UBE2H: variants seen among roughly 807,000 people sequenced by gnomAD.
UBE2H encodes the protein ubiquitin-conjugating enzyme E2 H.
UBE2H carries 3 observed loss-of-function variants against 29.0 expected under a neutral mutation model. That is an observed-to-expected ratio of 0.10 (90% CI 0.05 to 0.27). The LOEUF (loss-of-function observed/expected upper bound fraction) is 0.27. Among genes scored for constraint, UBE2H ranks in the 10% least tolerant of loss-of-function variants. UBE2H has a pLI of 1.00. For missense variants in UBE2H, 68 were observed against 228.2 expected, an observed-to-expected ratio of 0.30 and a Z score of 4.52; for synonymous variants, 69 against 82.9, an observed-to-expected ratio of 0.83 and a Z score of 0.91.
At chr7:129,858,006 A>G (rs1441454081) in intron 4 of UBE2H, among the ~76,000 whole-genome samples, 1 of 152,226 alleles carries the variant, frequency 6.6e-6, no homozygotes, top group Non-Finnish European at 1.5e-5. Flanking sequence ...TGAATTTTAT[A>G]AAAGATAAAG....
chr7:129,880,593 G>A (rs1180949355), intron 2 of UBE2H, among the ~76,000 whole-genome samples: 1 of 152,182 alleles, frequency 6.6e-6, no homozygotes, highest in East Asian at 1.9e-4. Flanking sequence ...TAATCTAGAT[G>A]TGATTTAAAG....
At chr7:129,919,100 T>TAAAAAAAAAAAAAA (rs1204331286) in intron 1 of UBE2H, among the ~76,000 whole-genome samples, 24 of 72,178 alleles carry the variant, frequency 3.3e-4, no homozygotes, top group East Asian at 1.0e-3. Context: ...AAAAACAAAG[T>TAAAAAAAAAAAAAA]AAAAAAAAAA....
intron 1 of UBE2H, among the ~76,000 whole-genome samples, chr7:129,924,197 C>G (rs1254076306): frequency 6.6e-6 from 1 of 152,144 alleles, no homozygotes; most frequent in African/African-American, 2.4e-5. Flanking sequence ...TATAGTGAGA[C>G]CCTGTCTCTA....
chr7:129,931,553 TAGTA>T (rs998265406), intron 1 of UBE2H, among the ~76,000 whole-genome samples: 1 of 152,096 alleles, frequency 6.6e-6, no homozygotes, highest in Non-Finnish European at 1.5e-5. Context: ...AAGAATAACA[TAGTA>T]AGAACAGTTT....
chr7:129,849,816 G>A (rs1805576816), intron 5 of UBE2H, among the ~76,000 whole-genome samples: 1 of 152,000 alleles, frequency 6.6e-6, no homozygotes, highest in Admixed American at 6.6e-5. Flanking sequence ...ATACTAAAAG[G>A]TATATTAAAG....
intron 3 of UBE2H, among the ~76,000 whole-genome samples, chr7:129,878,632 G>A (rs553302254): frequency 1.2e-3 from 168 of 139,794 alleles, no homozygotes; most frequent in African/African-American, 3.7e-3. Flanking sequence ...GCAGTGAGTC[G>A]AGATCGTGCC....
At chr7:129,843,243 C>T in intron 5 of UBE2H, among the ~76,000 whole-genome samples, 1 of 152,046 alleles carries the variant, frequency 6.6e-6, no homozygotes, top group Non-Finnish European at 1.5e-5. Context: ...TCGTGATCTG[C>T]CCGCCTCGGC....
intron 1 of UBE2H, among the ~76,000 whole-genome samples, chr7:129,916,693 G>A (rs1177078555): frequency 6.6e-6 from 1 of 152,132 alleles, no homozygotes; most frequent in East Asian, 1.9e-4. Context: ...CTGTCCACTA[G>A]CCTAAACACA....
rs556241494 is a variant in UBE2H, at chr7:129,918,715, T to C, written c.53+33788A>G. Among the ~76,000 whole-genome samples, 11 of 152,322 alleles carry C rather than the reference T, an allele frequency of 7.2e-5. No individual in the cohort carries two copies. In the South Asian group the frequency reaches 2.1e-3, roughly 29 times the overall value. On this transcript the variant is annotated intron_variant, in intron 1 of 6. Transcript: ENST00000355621. ...AAACTAAGGAGCATGGGCTGGATGCTTGAGGCCAGGAGCTCACAACCAGCC... is the reference window on the plus strand; with the variant it reads ...AAACTAAGGAGCATGGGCTGGATGCCTGAGGCCAGGAGCTCACAACCAGCC...
intron 5 of UBE2H, among the ~76,000 whole-genome samples, chr7:129,844,445 A>T (rs76183913): frequency 0.029 from 4,442 of 152,344 alleles, 115 homozygotes; most frequent in Non-Finnish European, 0.045. Flanking sequence ...GTAGAAAAAT[A>T]AAGAACACTT....
chr7:129,932,815 T>C (rs1459662338), intron 1 of UBE2H, among the ~76,000 whole-genome samples: 2 of 82,290 alleles, frequency 2.4e-5, no homozygotes, highest in East Asian at 5.0e-4. Flanking sequence ...CAGAACTGTC[T>C]ATCTACATCA....
At chr7:129,903,010 G>C (rs1356651631) in intron 1 of UBE2H, among the ~76,000 whole-genome samples, 1 of 152,206 alleles carries the variant, frequency 6.6e-6, no homozygotes, top group Non-Finnish European at 1.5e-5. Context: ...TTGAGTCGTA[G>C]AGCTGCTACT....
intron 3 of UBE2H, among the ~76,000 whole-genome samples, chr7:129,869,903 C>CT (rs1293171848): frequency 6.6e-6 from 1 of 152,178 alleles, no homozygotes; most frequent in Non-Finnish European, 1.5e-5. Context: ...TTCCCTTCCC[C>CT]TTTCTCTAGT....
At chr7:129,873,255 G>A (rs561290496) in intron 3 of UBE2H, among the ~76,000 whole-genome samples, 66 of 151,694 alleles carry the variant, frequency 4.4e-4, no homozygotes, top group Admixed American at 1.9e-3. Context: ...TCCTGACCTC[G>A]TGATCCACCC....
Position 129,832,439 on chromosome 7 carries a change from CACACTT to C in UBE2H, c.*2492_*2497del, listed in dbSNP as rs1285508621. On this transcript the variant is annotated 3_prime_UTR_variant, in exon 7 of 7. Transcript: ENST00000355621. The stretch of plus-strand genomic sequence containing the variant: ...GGAGCCTTATCCCACCTTCATCACA[CACACTT>C]AGATGGACACACACACACTCTCGCT... 1 of 152,560 alleles carries C rather than the reference CACACTT, an allele frequency of 6.6e-6. No homozygotes were observed. Among genetic ancestry groups the C allele is most frequent in the Non-Finnish European group, 1.5e-5 (1 of 68,338 alleles). The allele number at this position is 152,560 out of a possible 1,614,324, so 9.5% of individuals were successfully genotyped here. A position where few individuals can be genotyped will look rare whatever the true frequency, so the allele number is the denominator to read the frequency against.
At chr7:129,927,549 A>C (rs1325587790) in intron 1 of UBE2H, among the ~76,000 whole-genome samples, 3 of 152,106 alleles carry the variant, frequency 2.0e-5, no homozygotes, top group African/African-American at 7.2e-5. Flanking sequence ...CAAAAATAAA[A>C]ACACAACAAA....
chr7:129,872,910 C>T (rs535858115), intron 3 of UBE2H, among the ~76,000 whole-genome samples: 1 of 144,676 alleles, frequency 6.9e-6, no homozygotes, highest in African/African-American at 2.5e-5. Flanking sequence ...ATATGCCAGA[C>T]TGGGAGATTT....
At chr7:129,890,012 A>AG (rs776200866) in intron 1 of UBE2H, among the ~76,000 whole-genome samples, 1 of 152,258 alleles carries the variant, frequency 6.6e-6, no homozygotes, top group East Asian at 1.9e-4. Context: ...ACGAGCCTGT[A>AG]GTCCCAGCTA....
chr7:129,877,040 A>G (rs998656742), intron 3 of UBE2H, among the ~76,000 whole-genome samples: 1 of 152,210 alleles, frequency 6.6e-6, no homozygotes, highest in African/African-American at 2.4e-5. Flanking sequence ...CCTTTAAGGG[A>G]TAAGATTATG....
Sources: allele counts gnomAD v4.1 joint callset (sites outside exome capture counted in the v4.1 genomes callset), GRCh38; gene constraint gnomAD v4.1.1; transcripts MANE v1.5; gene names NCBI Gene and HGNC (gene_info 2026-07-23, HGNC 2026-07-21).